NELL2: variants seen among roughly 807,000 people sequenced by gnomAD.
The protein encoded by NELL2 is neural EGFL like 2, also known as protein kinase C-binding protein NELL2.
NELL2 carries 41 observed loss-of-function variants against 109.6 expected under a neutral mutation model. The ratio of observed to expected loss-of-function variants is 0.37; its 90% CI spans 0.29 to 0.49. NELL2 has a LOEUF of 0.49. NELL2 is among the 20% of genes least tolerant of loss of function. NELL2 has a pLI of 0.98. For synonymous variants in NELL2, 355 were observed against 344.7 expected, an observed-to-expected ratio of 1.03 and a Z score of -0.33; for missense variants, 900 against 1,008.3, an observed-to-expected ratio of 0.89 and a Z score of 1.45.
chr12:44,912,964 C>A (rs1945796058), intron 1 of NELL2, among the ~76,000 whole-genome samples: 1 of 152,148 alleles, frequency 6.6e-6, no homozygotes, highest in African/African-American at 2.4e-5. Context: ...GGAATTGTGA[C>A]AGTCCCTAAC....
intron 12 of NELL2, among the ~76,000 whole-genome samples, chr12:44,689,221 C>T (rs920779055): frequency 6.6e-6 from 1 of 152,122 alleles, no homozygotes; most frequent in African/African-American, 2.4e-5. Context: ...TGAGTCTCTG[C>T]CAAAGCTAGT....
intron 15 of NELL2, among the ~76,000 whole-genome samples, chr12:44,580,782 C>T (rs1023036996): frequency 5.3e-5 from 8 of 151,910 alleles, no homozygotes; most frequent in East Asian, 1.9e-4. Flanking sequence ...GCTTTAAGTT[C>T]GAAAAATCAC....
intron 19 of NELL2, among the ~76,000 whole-genome samples, chr12:44,518,936 T>C (rs990482022): frequency 3.9e-5 from 6 of 152,214 alleles, no homozygotes; most frequent in Non-Finnish European, 8.8e-5. Context: ...TCAAAAAGCT[T>C]TGCTTGATTG....
chr12:44,677,716 C>T (rs967371107), intron 12 of NELL2, among the ~76,000 whole-genome samples: 1 of 152,006 alleles, frequency 6.6e-6, no homozygotes, highest in Non-Finnish European at 1.5e-5. Context: ...AAAAAAAATA[C>T]ATGGGATCTA....
chr12:44,890,985 A>C (rs1380683756), intron 1 of NELL2, among the ~76,000 whole-genome samples: 2 of 152,150 alleles, frequency 1.3e-5, no homozygotes, highest in African/African-American at 2.4e-5. Flanking sequence ...CCGCCTCGGC[A>C]TCCCCAAGTT....
At chr12:44,575,832 C>T (rs887862205) in intron 15 of NELL2, among the ~76,000 whole-genome samples, 1 of 152,190 alleles carries the variant, frequency 6.6e-6, no homozygotes, top group African/African-American at 2.4e-5. Context: ...ATCTTCTCCA[C>T]ATTCATGCCA....
At chr12:44,900,322 C>G (rs914949991) in intron 1 of NELL2, among the ~76,000 whole-genome samples, 1 of 152,128 alleles carries the variant, frequency 6.6e-6, no homozygotes, top group African/African-American at 2.4e-5. Flanking sequence ...CTTCTCAGCA[C>G]CACATCACAC....
chr12:44,644,590 A>ATATATATATGTATG (rs1426905978), intron 13 of NELL2, among the ~76,000 whole-genome samples: 64 of 96,104 alleles, frequency 6.7e-4, no homozygotes, highest in African/African-American at 2.5e-3. Flanking sequence ...GTATATATAT[A>ATATATATATGTATG]TATATATATA....
chr12:44,595,050 A>G (rs921481532), intron 15 of NELL2, among the ~76,000 whole-genome samples: 20 of 152,126 alleles, frequency 1.3e-4, no homozygotes, highest in Admixed American at 3.9e-4. Context: ...TTTGTTGTAA[A>G]TGGCCGAAAC....
chr12:44,638,535 C>T (rs1946731864), intron 13 of NELL2, among the ~76,000 whole-genome samples: 1 of 152,036 alleles, frequency 6.6e-6, no homozygotes, highest in South Asian at 2.1e-4. Flanking sequence ...TCATACAAAC[C>T]TTAAGAAAGA....
intron 15 of NELL2, among the ~76,000 whole-genome samples, chr12:44,559,336 C>G (rs925699295): frequency 6.6e-6 from 1 of 152,076 alleles, no homozygotes; most frequent in African/African-American, 2.4e-5. Context: ...CAATATTAAC[C>G]TTAAATGTAA....
chr12:44,515,009 C>T (rs1941195646), intron 19 of NELL2, among the ~76,000 whole-genome samples: 1 of 150,826 alleles, frequency 6.6e-6, no homozygotes, highest in Non-Finnish European at 1.5e-5. Flanking sequence ...AGTTTAAAAT[C>T]CAATAGAACA....
In NELL2 at chr12:44,523,280, T is replaced by C. The variant is rs1182056596; in HGVS notation, c.1998+11A>G. The C allele has an allele frequency of 1.2e-6, 2 of 1,613,972 alleles. No individual in the cohort carries two copies. Among genetic ancestry groups the C allele is most frequent in the Admixed American group, 3.3e-5 (2 of 60,022 alleles). ...GAATAAAATTAATTAAAGTTTTTCA[T>C]TTATACCAACCTGACATGAGCACAC... On this transcript the variant is annotated intron_variant, in intron 17 of 19. Coordinates refer to ENST00000429094, the MANE Select transcript of NELL2 (RefSeq NM_001145108.2).
At chr12:44,790,203 A>G (rs1042170257) in intron 3 of NELL2, among the ~76,000 whole-genome samples, 1 of 152,212 alleles carries the variant, frequency 6.6e-6, no homozygotes, top group African/African-American at 2.4e-5. Context: ...GATGAAGGAA[A>G]GAATCTTAAG....
At chr12:44,705,106 TG>T (rs1937794502) in intron 11 of NELL2, among the ~76,000 whole-genome samples, 1 of 152,034 alleles carries the variant, frequency 6.6e-6, no homozygotes, top group Non-Finnish European at 1.5e-5. Context: ...GACTTTTACT[TG>T]CGAAAATCAT....
rs113844718 is a variant in NELL2 at position 44,898,177 on chromosome 12, G to A, written c.38+15622C>T. ...CCTGGGAGAAGGGGTGGCTGTGGGC[G>A]CAGCTTCAGCAGACTTAAACGTTCC... On this transcript the variant is annotated intron_variant, in intron 1 of 20. Coordinates refer to the NELL2 transcript ENST00000333837. Among the ~76,000 whole-genome samples the A allele has an allele frequency of 4.9e-3, 744 of 152,286 alleles. 6 individuals carry two copies. Among genetic ancestry groups the A allele is most frequent in the African/African-American group, 0.017 (695 of 41,560 alleles).
chr12:44,547,983 G>A (rs969543389), intron 15 of NELL2, among the ~76,000 whole-genome samples: 90 of 152,134 alleles, frequency 5.9e-4, no homozygotes, highest in Non-Finnish European at 3.2e-4. Context: ...CACAATCTGC[G>A]AAATGCCTGC....
At chr12:44,537,208 T>C (rs557473650) in intron 15 of NELL2, among the ~76,000 whole-genome samples, 3 of 152,214 alleles carry the variant, frequency 2.0e-5, no homozygotes, top group African/African-American at 7.2e-5. Flanking sequence ...TAAAGGGTCA[T>C]TTTAGAAAAT....
At chr12:44,639,359 C>A (rs749176360) in intron 13 of NELL2, among the ~76,000 whole-genome samples, 3 of 152,140 alleles carry the variant, frequency 2.0e-5, no homozygotes, top group Admixed American at 2.0e-4. Flanking sequence ...TGTAAACTAA[C>A]CTCTTTCCAG....
Sources: allele counts gnomAD v4.1 joint callset (sites outside exome capture counted in the v4.1 genomes callset), GRCh38; gene constraint gnomAD v4.1.1; transcripts MANE v1.5; gene names NCBI Gene and HGNC (gene_info 2026-07-23, HGNC 2026-07-21).